KLHL32: variants seen among roughly 807,000 people sequenced by gnomAD.
KLHL32 encodes kelch-like protein 32.
KLHL32 carries 35 observed loss-of-function variants against 64.8 expected under a neutral mutation model. That is an observed-to-expected ratio of 0.54 (90% CI 0.41 to 0.72). The LOEUF (loss-of-function observed/expected upper bound fraction) is 0.72, where lower values mean the gene tolerates loss of function less well. Ranked by LOEUF, KLHL32 falls within the 30% of genes least tolerant of loss-of-function variation. KLHL32 has a pLI of 0.00. For missense variants in KLHL32, 589 were observed against 768.5 expected (o/e 0.77, Z 2.76); for synonymous variants, 259 against 281.0 (o/e 0.92, Z 0.78).
chr6:97,119,930 A>G (rs1484898926), intron 7 of KLHL32, among the ~76,000 whole-genome samples: 1 of 152,098 alleles, frequency 6.6e-6, no homozygotes, highest in African/African-American at 2.4e-5. Flanking sequence ...GCAAGAGGGG[A>G]GTTTGGCTGA....
At chr6:96,946,783 T>TTTACTA (rs1363580914) in intron 1 of KLHL32, among the ~76,000 whole-genome samples, 1 of 152,162 alleles carries the variant, frequency 6.6e-6, no homozygotes, top group Non-Finnish European at 1.5e-5. Context: ...CATCTTTCCC[T>TTTACTA]TTACTATTCC....
intron 5 of KLHL32, among the ~76,000 whole-genome samples, chr6:97,073,695 T>C (rs774282809): frequency 1.3e-5 from 2 of 152,174 alleles, no homozygotes; most frequent in Non-Finnish European, 2.9e-5. Context: ...TATCCTATGC[T>C]TCCTGACTAG....
At chr6:97,019,042 G>C (rs1252792350) in intron 3 of KLHL32, among the ~76,000 whole-genome samples, 2 of 152,042 alleles carry the variant, frequency 1.3e-5, no homozygotes, top group Non-Finnish European at 2.9e-5. Flanking sequence ...TACATAATTG[G>C]ACATAAAGGA....
chr6:97,096,524 A>G (rs1795013102), intron 6 of KLHL32, among the ~76,000 whole-genome samples: 1 of 152,264 alleles, frequency 6.6e-6, no homozygotes, highest in Non-Finnish European at 1.5e-5. Flanking sequence ...GCAGCTGTAT[A>G]GATGCAGCTT....
intron 2 of KLHL32, among the ~76,000 whole-genome samples, chr6:96,969,103 TTAC>T (rs1256459525): frequency 6.6e-6 from 1 of 152,120 alleles, no homozygotes; most frequent in Non-Finnish European, 1.5e-5. Flanking sequence ...CACAAACCCC[TTAC>T]TACACCCCCA....
At chr6:97,017,330 G>A (rs1023547550) in intron 3 of KLHL32, among the ~76,000 whole-genome samples, 37 of 152,334 alleles carry the variant, frequency 2.4e-4, no homozygotes, top group African/African-American at 8.7e-4. Flanking sequence ...TCAGCTGGAA[G>A]CTTCTTAATC....
chr6:97,110,394 G>A (rs998259907), intron 6 of KLHL32, among the ~76,000 whole-genome samples: 6 of 152,052 alleles, frequency 3.9e-5, no homozygotes, highest in African/African-American at 7.2e-5. Context: ...AATTCATGAC[G>A]TAGCAGAAGT....
At chr6:97,052,087 A>T (rs951706251) in intron 4 of KLHL32, among the ~76,000 whole-genome samples, 4 of 152,220 alleles carry the variant, frequency 2.6e-5, no homozygotes, top group Admixed American at 2.6e-4. Flanking sequence ...TCTAAGCACC[A>T]ATAGAATTTC....
chr6:97,028,161 G>A (rs983831424), intron 3 of KLHL32, among the ~76,000 whole-genome samples: 3 of 151,914 alleles, frequency 2.0e-5, no homozygotes, highest in African/African-American at 7.3e-5. Flanking sequence ...GGTTCACCTG[G>A]GGCTTTCGTT....
intron 1 of KLHL32, among the ~76,000 whole-genome samples, chr6:96,958,145 T>C (rs975754721): frequency 2.0e-5 from 3 of 152,174 alleles, no homozygotes; most frequent in African/African-American, 7.2e-5. Context: ...TGGGACAATA[T>C]GCAAAACATA....
chr6:97,003,281 C>T (rs1779261891), intron 3 of KLHL32, among the ~76,000 whole-genome samples: 1 of 152,104 alleles, frequency 6.6e-6, no homozygotes, highest in South Asian at 2.1e-4. Context: ...TGCTTGTTAG[C>T]AGTATGTATG....
At chr6:96,939,348 A>C (rs1011651664) in intron 1 of KLHL32, among the ~76,000 whole-genome samples, 2 of 152,236 alleles carry the variant, frequency 1.3e-5, no homozygotes, top group African/African-American at 4.8e-5. Context: ...CTGATGAGTC[A>C]GTGGTGAGGA....
intron 1 of KLHL32, among the ~76,000 whole-genome samples, chr6:96,927,305 G>A (rs551207308): frequency 2.9e-4 from 44 of 152,282 alleles, no homozygotes; most frequent in Non-Finnish European, 5.9e-4. Context: ...AGCATCCTGA[G>A]CCTTTAATGA....
intron 3 of KLHL32, among the ~76,000 whole-genome samples, chr6:97,005,400 A>G (rs1422247846): frequency 1.3e-5 from 2 of 151,624 alleles, no homozygotes; most frequent in East Asian, 3.9e-4. Context: ...GTAGTGGTCT[A>G]TCTCTCTTAT....
intron 6 of KLHL32, among the ~76,000 whole-genome samples, chr6:97,112,594 G>A (rs1562350702): frequency 2.6e-5 from 4 of 151,602 alleles, no homozygotes; most frequent in East Asian, 1.9e-4. Context: ...CTACAGGCAC[G>A]TGCCACCACG....
chr6:96,948,707 A>G (rs1231093730), intron 1 of KLHL32, among the ~76,000 whole-genome samples: 1 of 152,264 alleles, frequency 6.6e-6, no homozygotes, highest in East Asian at 1.9e-4. Flanking sequence ...TAGGAAAATT[A>G]GGATTGATGA....
chr6:97,137,502 C>T (rs944089316), intron 10 of KLHL32, among the ~76,000 whole-genome samples: 1 of 152,088 alleles, frequency 6.6e-6, no homozygotes, highest in African/African-American at 2.4e-5. Flanking sequence ...TTCAAGGGCC[C>T]ATTTCCTGTA....
At chr6:96,931,731 A>G (rs914633087) in intron 1 of KLHL32, among the ~76,000 whole-genome samples, 1 of 152,188 alleles carries the variant, frequency 6.6e-6, no homozygotes, top group Non-Finnish European at 1.5e-5. Context: ...AGCTCCAGAA[A>G]AGAATATGGT....
intron 1 of KLHL32, among the ~76,000 whole-genome samples, chr6:96,961,016 T>A (rs1284194236): frequency 2.0e-5 from 3 of 152,076 alleles, no homozygotes; most frequent in African/African-American, 7.2e-5. Flanking sequence ...GTCTCCTGGA[T>A]CAGGAAAAAA....
Sources: allele counts gnomAD v4.1 joint callset (sites outside exome capture counted in the v4.1 genomes callset), GRCh38; gene constraint gnomAD v4.1.1; transcripts MANE v1.5; gene names NCBI Gene and HGNC (gene_info 2026-07-23, HGNC 2026-07-21).